Variants in CADPS2 observed in about 807,000 individuals in gnomAD.
The protein encoded by CADPS2 is calcium dependent secretion activator 2, also known as calcium-dependent secretion activator 2.
CADPS2 carries 93 observed loss-of-function variants against 172.5 expected under a neutral mutation model. The ratio of observed to expected loss-of-function variants is 0.54; its 90% CI spans 0.46 to 0.64. The LOEUF (loss-of-function observed/expected upper bound fraction) is 0.64, where lower values mean the gene tolerates loss of function less well. Among genes scored for constraint, CADPS2 ranks in the 30% least tolerant of loss-of-function variants. CADPS2 has a pLI of 0.00. For synonymous variants in CADPS2, 546 were observed against 555.2 expected, an observed-to-expected ratio of 0.98 and a Z score of 0.23; for missense variants, 1,420 against 1,565.9, an observed-to-expected ratio of 0.91 and a Z score of 1.57.
At chr7:122,503,987 C>A (rs562352692) in intron 9 of CADPS2, among the ~76,000 whole-genome samples, 18 of 152,262 alleles carry the variant, frequency 1.2e-4, no homozygotes, top group African/African-American at 4.3e-4. Context: ...TCTCTGAAGA[C>A]AACCATATTA....
intron 1 of CADPS2, among the ~76,000 whole-genome samples, chr7:122,885,352 AT>A (rs1397397072): frequency 6.6e-6 from 1 of 151,956 alleles, no homozygotes; most frequent in African/African-American, 2.4e-5. Context: ...CAGTAATAGT[AT>A]ATTTCATTAA....
Position 122,551,767 on chromosome 7 carries a change from T to C in CADPS2, c.1475+2783A>G, listed in dbSNP as rs188864532. ...AAAATTATTATCCATCTGTTAATTA[T>C]TGATTATAGGAGAAATGATTGACAA... On this transcript the variant is annotated intron_variant, in intron 8 of 29. Transcript: ENST00000449022. 7.2e-4 allele frequency among the ~76,000 whole-genome samples: 110 copies of C among 152,242 alleles called. 1 individual carries two copies. Among genetic ancestry groups the C allele is most frequent in the African/African-American group, 2.5e-3 (105 of 41,576 alleles).
intron 1 of CADPS2, among the ~76,000 whole-genome samples, chr7:122,801,811 TA>T (rs1383968447): frequency 2.0e-5 from 3 of 151,744 alleles, no homozygotes; most frequent in Admixed American, 6.6e-5. Flanking sequence ...TCTCACTATA[TA>T]CCCCAGGCTC....
At chr7:122,432,292 A>C (rs959982145) in intron 17 of CADPS2, among the ~76,000 whole-genome samples, 10 of 152,100 alleles carry the variant, frequency 6.6e-5, no homozygotes, top group Admixed American at 2.6e-4. Context: ...CTCTCCATAA[A>C]ATACCTATTT....
chr7:122,357,738 G>A (rs2039601274), intron 27 of CADPS2, among the ~76,000 whole-genome samples: 1 of 152,084 alleles, frequency 6.6e-6, no homozygotes, highest in African/African-American at 2.4e-5. Context: ...CATACAGTAT[G>A]CAGCCTTTTC....
intron 25 of CADPS2, 142 bp from the exon 26 acceptor site, chr7:122,361,155 G>T (rs2040070505): frequency 1.6e-6 from 1 of 606,366 alleles, no homozygotes; most frequent in South Asian, 2.0e-5. Context: ...ACTAACTTGT[G>T]ATGTTTACTC....
chr7:122,500,912 A>T (rs1386614678), intron 9 of CADPS2, among the ~76,000 whole-genome samples: 1 of 152,142 alleles, frequency 6.6e-6, no homozygotes, highest in African/African-American at 2.4e-5. Context: ...AGTCAGGAAA[A>T]AGTGGTGTTT....
intron 2 of CADPS2, among the ~76,000 whole-genome samples, chr7:122,701,115 T>A (rs2085985946): frequency 6.6e-6 from 1 of 152,112 alleles, no homozygotes. Flanking sequence ...CATGGCTAAT[T>A]CTCTATGGCA....
At chr7:122,625,211 CG>C (rs2075969822) in intron 4 of CADPS2, among the ~76,000 whole-genome samples, 2 of 151,970 alleles carry the variant, frequency 1.3e-5, no homozygotes, top group African/African-American at 4.8e-5. Flanking sequence ...CCACCACGCC[CG>C]GCTAATTTTG....
At chr7:122,643,088 T>C (rs2077864426) in intron 3 of CADPS2, among the ~76,000 whole-genome samples, 2 of 152,204 alleles carry the variant, frequency 1.3e-5, no homozygotes, top group South Asian at 2.1e-4. Context: ...GATAATACAT[T>C]ACAATAAATA....
At chr7:122,415,796 T>C (rs906093889) in intron 18 of CADPS2, among the ~76,000 whole-genome samples, 2 of 152,168 alleles carry the variant, frequency 1.3e-5, no homozygotes, top group African/African-American at 4.8e-5. Context: ...GTGTTTGTTG[T>C]CAGGAATAAA....
intron 6 of CADPS2, among the ~76,000 whole-genome samples, chr7:122,607,472 G>C (rs1240068566): frequency 6.6e-6 from 1 of 152,040 alleles, no homozygotes; most frequent in Non-Finnish European, 1.5e-5. Flanking sequence ...AACTATAAAA[G>C]ACTTTTCCGA....
At chr7:122,371,286 G>C (rs1347388636) in intron 25 of CADPS2, among the ~76,000 whole-genome samples, 1 of 152,136 alleles carries the variant, frequency 6.6e-6, no homozygotes, top group Admixed American at 6.5e-5. Context: ...CCCAAGACTC[G>C]GTAATTTATA....
At chr7:122,693,055 A>G (rs2084604820) in intron 2 of CADPS2, among the ~76,000 whole-genome samples, 1 of 152,182 alleles carries the variant, frequency 6.6e-6, no homozygotes, top group Non-Finnish European at 1.5e-5. Flanking sequence ...TGCACTCTAA[A>G]CTTGCTGAGT....
intron 1 of CADPS2, among the ~76,000 whole-genome samples, chr7:122,873,643 G>A (rs1820429140): frequency 6.6e-6 from 1 of 152,152 alleles, no homozygotes; most frequent in South Asian, 2.1e-4. Context: ...GTGTGCATGT[G>A]TCCTTATAGT....
In CADPS2 at chr7:122,387,114, A is replaced by G. The variant is rs1449782106; in HGVS notation, c.3224T>C (p.Ile1075Thr). The part of the protein sequence containing the change: ...QKASKTTDLR[I>T]PASVCTMFNV... ...AAACATAGTGCAAACGGAAGCTGGA[A>G]TGCGCAAGTCAGTTGTTTTGCTTGC... is the stretch of plus-strand genomic sequence containing the variant. Residue 1075 changes from isoleucine (I) to threonine (T), a missense_variant, in exon 24 of 30, where the codon ATT (isoleucine) becomes ACT (threonine). Transcript: ENST00000449022. 2 of 1,574,048 alleles carry G rather than the reference A, an allele frequency of 1.3e-6. No homozygotes were observed. The highest frequency in any genetic ancestry group is 1.3e-5 in the African/African-American group (1 of 74,210).
intron 7 of CADPS2, among the ~76,000 whole-genome samples, chr7:122,580,504 T>C (rs2068668148): frequency 6.6e-6 from 1 of 151,212 alleles, no homozygotes; most frequent in Non-Finnish European, 1.5e-5. Flanking sequence ...GACATCTTCA[T>C]ATAGACTACT....
At chr7:122,461,208 C>T (rs190764978) in intron 14 of CADPS2, among the ~76,000 whole-genome samples, 121 of 152,160 alleles carry the variant, frequency 8.0e-4, no homozygotes, top group East Asian at 6.8e-3. Context: ...AGATAGAATA[C>T]ATTTTAGAGA....
intron 1 of CADPS2, among the ~76,000 whole-genome samples, chr7:122,839,369 G>A (rs542391410): frequency 1.3e-5 from 2 of 152,202 alleles, no homozygotes; most frequent in South Asian, 4.2e-4. Context: ...ATAGGCATGG[G>A]CAAGGACTTC....
Sources: allele counts gnomAD v4.1 joint callset (sites outside exome capture counted in the v4.1 genomes callset), GRCh38; gene constraint gnomAD v4.1.1; transcripts MANE v1.5; gene names NCBI Gene and HGNC (gene_info 2026-07-23, HGNC 2026-07-21).